TRA2B: variants seen among roughly 807,000 people sequenced by gnomAD.
TRA2B encodes transformer-2 protein homolog beta.
TRA2B carries 14 observed loss-of-function variants against 41.7 expected under a neutral mutation model. That is an observed-to-expected ratio of 0.34 (90% CI 0.22 to 0.53). The LOEUF (loss-of-function observed/expected upper bound fraction) is 0.53, where lower values mean the gene tolerates loss of function less well. TRA2B is among the 20% of genes least tolerant of loss of function. TRA2B has a pLI of 0.95. For synonymous variants in TRA2B, 130 were observed against 128.8 expected, an observed-to-expected ratio of 1.01 and a Z score of -0.06; for missense variants, 167 against 396.8, an observed-to-expected ratio of 0.42 and a Z score of 4.92.
intron 1 of TRA2B, chr3:185,928,534 A>G (rs945615135): frequency 3.3e-5 from 5 of 152,208 alleles, no homozygotes; most frequent in Admixed American, 6.5e-5. Context: ...TTCTGAACGG[A>G]CACTTCCCTT....
At chr3:185,937,369 C>T (rs901122333) in intron 1 of TRA2B, 1 of 999,628 alleles carries the variant, frequency 1.0e-6, no homozygotes, top group African/African-American at 1.7e-5. Flanking sequence ...ACCACGCGGC[C>T]TTACGAAGCG....
chr3:185,928,369 GCCTTTCC>G lies in TRA2B; in HGVS notation c.37-1642_37-1636del, dbSNP rs2150116505. On this transcript the variant is annotated intron_variant, in intron 1 of 8. Coordinates refer to ENST00000453386, the MANE Select transcript of TRA2B (RefSeq NM_004593.3). ...TGGTGGGGTGACATGAAATGTGACA[GCCTTTCC>G]CCTCTACCTCCCTCCATGACTGACT... 3 of 152,296 alleles carry G rather than the reference GCCTTTCC, an allele frequency of 2.0e-5. 1 individual carries two copies. In the South Asian group the frequency reaches 6.2e-4, roughly 32 times the overall value. 9.4% of individuals were successfully genotyped at this position (152,296 alleles called of 1,614,324 possible). A position where few individuals can be genotyped will look rare whatever the true frequency, so the allele number is the denominator to read the frequency against.
chr3:185,937,329 A>C (rs1744402340), intron 1 of TRA2B: 1 of 989,564 alleles, frequency 1.0e-6, no homozygotes, highest in African/African-American at 1.7e-5. Flanking sequence ...CCAAAGACCC[A>C]AAAGAACGTC....
rs1017414981 is a variant in TRA2B, at chr3:185,938,011, C to T, written c.-151G>A. On this transcript the variant is annotated 5_prime_UTR_variant, in exon 1 of 9. Coordinates refer to ENST00000453386, the MANE Select transcript of TRA2B (RefSeq NM_004593.3). ...ATGCTCCGCACCGCCTCCGCACGGG[C>T]TCTAACTCTACCGGATGTGACGCGG... 6 of 829,674 alleles carry T rather than the reference C, an allele frequency of 7.2e-6. No individual in the cohort carries two copies. The highest frequency in any genetic ancestry group is 2.4e-5 in the Admixed American group (1 of 41,294). 51.4% of individuals were successfully genotyped at this position (829,674 alleles called of 1,614,324 possible).
intron 1 of TRA2B, chr3:185,937,137 G>A (rs1744393786): frequency 1.0e-6 from 1 of 985,430 alleles, no homozygotes; most frequent in South Asian, 4.7e-5. Flanking sequence ...AGCCCTTTCG[G>A]CATCAGAGAA....
intron 1 of TRA2B, chr3:185,936,893 A>C (rs1312334642): frequency 1.0e-6 from 1 of 985,240 alleles, no homozygotes; most frequent in Non-Finnish European, 1.2e-6. Flanking sequence ...CAATTCAATC[A>C]ACCCTCACTG....
At chr3:185,936,012 T>C in intron 1 of TRA2B, 2 of 985,400 alleles carry the variant, frequency 2.0e-6, no homozygotes, top group Admixed American at 1.2e-4. Context: ...AAATTTCAAA[T>C]TTCTCTTGAG....
chr3:185,918,482 A>G (rs375817644), intron 7 of TRA2B, 44 bp from the exon 8 acceptor site: 63 of 1,364,732 alleles, frequency 4.6e-5, no homozygotes, highest in Non-Finnish European at 3.9e-5. Context: ...ATAGATCACA[A>G]TTAGACCAAA....
chr3:185,925,191 T>C lies in TRA2B; in HGVS notation c.333+273A>G, dbSNP rs923691563. The C allele has an allele frequency of 2.8e-5, 8 of 289,816 alleles. No individual in the cohort carries two copies. The Admixed American group carries it at 3.9e-4, about 14-fold the overall frequency. 18.0% of individuals were successfully genotyped at this position (289,816 alleles called of 1,614,324 possible). ...ATTTTGAACTAATGTACTAATACTA[T>C]ACTACAGTATAGTAATGCAGTCGGA... is the stretch of plus-strand genomic sequence containing the variant. On this transcript the variant is annotated intron_variant, in intron 3 of 8. Transcript: ENST00000453386.
intron 1 of TRA2B, chr3:185,927,658 T>TG (rs1240636663): frequency 1.3e-5 from 2 of 152,040 alleles, no homozygotes; most frequent in Non-Finnish European, 2.9e-5. Context: ...CAACCAAAAC[T>TG]GGGATTGGCT....
rs572822105 is a variant in TRA2B at position 185,917,338 on chromosome 3, A to G, written c.*377T>C. ...TGTTAGAAAGAAAAGTAAAAATCAA[A>G]CTGTTTATTGTTGCTTTTTGCCATT... On this transcript the variant is annotated 3_prime_UTR_variant, in exon 9 of 9. Coordinates refer to ENST00000453386, the MANE Select transcript of TRA2B (RefSeq NM_004593.3). 2.9e-5 allele frequency: 6 copies of G among 208,830 alleles called. No individual in the cohort carries two copies. In the East Asian group the frequency reaches 6.9e-4, roughly 24 times the overall value. 12.9% of individuals were successfully genotyped at this position (208,830 alleles called of 1,614,324 possible).
At chr3:185,922,481 A>C (rs1403313271) in intron 4 of TRA2B, 1 of 161,162 alleles carries the variant, frequency 6.2e-6, no homozygotes, top group Non-Finnish European at 1.3e-5. Context: ...GGGGAAAAAC[A>C]GTATTTCATG....
chr3:185,937,110 C>T (rs199557171), intron 1 of TRA2B: 4 of 985,326 alleles, frequency 4.1e-6, no homozygotes, highest in Non-Finnish European at 4.8e-6. Context: ...AATACTGATA[C>T]AGATTTTTGC....
rs375799837 is a variant in TRA2B, at chr3:185,937,805, C to G, written c.36+20G>C. 2 of 1,614,156 alleles carry G rather than the reference C, an allele frequency of 1.2e-6. No individual in the cohort carries two copies. The highest frequency in any genetic ancestry group is 1.3e-5 in the African/African-American group (1 of 75,064). On this transcript the variant is annotated intron_variant, in intron 1 of 8. Coordinates refer to ENST00000453386, the MANE Select transcript of TRA2B (RefSeq NM_004593.3). ...AGGAGCTAGGACCACACAGCCACCC[C>G]CTACCGCAGCTCTACGTACCCGCTC...
At chr3:185,931,268 C>A (rs1437627954) in intron 1 of TRA2B, among the ~76,000 whole-genome samples, 1 of 152,154 alleles carries the variant, frequency 6.6e-6, no homozygotes, top group African/African-American at 2.4e-5. Flanking sequence ...CCAGTTCCAA[C>A]CCTGGAGGTA....
At chr3:185,920,879 A>G (rs1578473537) in intron 6 of TRA2B, among the ~76,000 whole-genome samples, 1 of 152,192 alleles carries the variant, frequency 6.6e-6, no homozygotes, top group Non-Finnish European at 1.5e-5. Context: ...ATTCCAAGTT[A>G]TCATTTAAAT....
At chr3:185,936,741 T>C (rs1190570124) in intron 1 of TRA2B, 3 of 985,324 alleles carry the variant, frequency 3.0e-6, no homozygotes, top group Middle Eastern at 5.2e-4. Flanking sequence ...TATGGTGCTT[T>C]TCTATCACCC....
chr3:185,935,564 A>G (rs186432493), intron 1 of TRA2B: 123 of 985,468 alleles, frequency 1.2e-4, no homozygotes, highest in Admixed American at 1.8e-4. Flanking sequence ...TTAGAGACAG[A>G]TAAATAAGGG....
At chr3:185,930,389 TAA>T (rs138067499) in intron 1 of TRA2B, among the ~76,000 whole-genome samples, 3,906 of 152,248 alleles carry the variant, frequency 0.026, 142 homozygotes, top group African/African-American at 0.089. Flanking sequence ...CAAAACTTCT[TAA>T]GAGAAAATTT....
Sources: gnomAD v4.1 joint callset for allele counts (sites outside exome capture counted in the v4.1 genomes callset) on GRCh38, gnomAD v4.1.1 for gene constraint, MANE v1.5 for transcripts, NCBI Gene and HGNC (gene_info 2026-07-23, HGNC 2026-07-21) for gene names.